ANO4: variants seen among roughly 807,000 people sequenced by gnomAD.
The protein encoded by ANO4 is anoctamin 4, also known as anoctamin-4.
ANO4 carries 69 observed loss-of-function variants against 141.9 expected under a neutral mutation model. That is an observed-to-expected ratio of 0.49 (90% CI 0.40 to 0.59). The LOEUF (loss-of-function observed/expected upper bound fraction) is 0.59, where lower values mean the gene tolerates loss of function less well. Ranked by LOEUF, ANO4 falls within the 20% of genes least tolerant of loss-of-function variation. The pLI is 0.00. For synonymous variants in ANO4, 350 were observed against 394.3 expected (o/e 0.89, Z 1.33); for missense variants, 894 against 1,162.2 (o/e 0.77, Z 3.36).
chr12:101,064,519 G>C (rs2048488534), intron 14 of ANO4, among the ~76,000 whole-genome samples: 1 of 152,062 alleles, frequency 6.6e-6, no homozygotes, highest in African/African-American at 2.4e-5. Context: ...ACTGTTGATG[G>C]GTGGGAGGCT....
intron 14 of ANO4, among the ~76,000 whole-genome samples, chr12:101,058,283 A>G (rs1395272879): frequency 6.6e-6 from 1 of 152,206 alleles, no homozygotes; most frequent in Non-Finnish European, 1.5e-5. Flanking sequence ...TATAGTTTGA[A>G]GTCAGGTAGC....
At chr12:100,791,947 C>T (rs184587630), upstream of ANO4, among the ~76,000 whole-genome samples, 27 of 152,298 alleles carry the variant, frequency 1.8e-4, 1 homozygote, top group Admixed American at 1.8e-3. Context: ...CAGACTTTTC[C>T]ATATGCAGAT....
upstream of ANO4, among the ~76,000 whole-genome samples, chr12:100,792,722 A>G (rs926537396): frequency 1.3e-4 from 20 of 152,222 alleles, no homozygotes; most frequent in African/African-American, 3.9e-4. Flanking sequence ...TTTCCATTTC[A>G]TGCATCATTA....
At chr12:100,976,067 A>G (rs1316539395) in intron 7 of ANO4, among the ~76,000 whole-genome samples, 1 of 152,010 alleles carries the variant, frequency 6.6e-6, no homozygotes, top group African/African-American at 2.4e-5. Flanking sequence ...GATGTCCTCT[A>G]ATTTGATTCT....
At chr12:100,892,522 T>G (rs1424882848) in intron 1 of ANO4, among the ~76,000 whole-genome samples, 2 of 152,216 alleles carry the variant, frequency 1.3e-5, no homozygotes, top group African/African-American at 2.4e-5. Flanking sequence ...ATATTTGAGT[T>G]TAGTTACCTG....
At chr12:100,918,112 T>C (rs2041435233) in intron 2 of ANO4, among the ~76,000 whole-genome samples, 1 of 152,168 alleles carries the variant, frequency 6.6e-6, no homozygotes, top group African/African-American at 2.4e-5. Flanking sequence ...AGATCACTTG[T>C]GGTCAAGAGT....
At chr12:101,033,715 C>G (rs370116595) in intron 9 of ANO4, among the ~76,000 whole-genome samples, 3 of 151,924 alleles carry the variant, frequency 2.0e-5, no homozygotes, top group African/African-American at 7.3e-5. Context: ...ATCTACAGAG[C>G]GGGAGAAATT....
intron 26 of ANO4, among the ~76,000 whole-genome samples, chr12:101,125,379 G>A (rs746176121): frequency 1.4e-4 from 22 of 152,068 alleles, no homozygotes; most frequent in Admixed American, 1.0e-3. Flanking sequence ...AAGATGATGG[G>A]ATTTTCTAGA....
rs561827250 is a variant in ANO4, at chr12:101,125,085, ATTCT to A, written c.2677-1789_2677-1786del. 1.3e-4 allele frequency among the ~76,000 whole-genome samples: 20 copies of A among 152,258 alleles called. 3 individuals carry two copies. Among genetic ancestry groups the A allele is most frequent in the African/African-American group, 4.8e-4 (20 of 41,556 alleles). ...GCAGATGGCCGTTTTCACAATATTG[ATTCT>A]TTCTATCCATGAGCATGGAACATTT... On this transcript the variant is annotated intron_variant, in intron 26 of 27. Coordinates refer to ENST00000392977, the MANE Select transcript of ANO4 (RefSeq NM_001286615.2).
intron 5 of ANO4, among the ~76,000 whole-genome samples, chr12:100,947,734 A>T (rs1214979136): frequency 6.6e-6 from 1 of 152,190 alleles, no homozygotes; most frequent in Non-Finnish European, 1.5e-5. Context: ...ATCACTTACT[A>T]TTATAATTTC....
At chr12:101,043,692 G>T in intron 13 of ANO4, 57 bp downstream of exon 13, 1 of 1,278,808 alleles carries the variant, frequency 7.8e-7, no homozygotes, top group South Asian at 1.2e-5. Context: ...CCTTCCTGAG[G>T]GATGGTGGGT....
intron 22 of ANO4, among the ~76,000 whole-genome samples, chr12:101,109,070 C>T (rs779882739): frequency 1.3e-5 from 2 of 152,034 alleles, no homozygotes; most frequent in African/African-American, 4.8e-5. Context: ...GACATATTTG[C>T]AGAGTATTTG....
At chr12:101,020,003 C>A in intron 8 of ANO4, 31 bp from the exon 9 acceptor site, 1 of 1,553,822 alleles carries the variant, frequency 6.4e-7, no homozygotes, top group Non-Finnish European at 8.9e-7. Context: ...CCGATTAATT[C>A]TCAACTTGTA....
At chr12:100,940,480 C>T (rs1400863131) in intron 4 of ANO4, among the ~76,000 whole-genome samples, 1 of 152,166 alleles carries the variant, frequency 6.6e-6, no homozygotes, top group Non-Finnish European at 1.5e-5. Context: ...ATGCTGAATT[C>T]ACAGGACAGC....
At chr12:100,738,401 C>G (rs982266894) in intron 2 of ANO4, among the ~76,000 whole-genome samples, 1 of 152,128 alleles carries the variant, frequency 6.6e-6, no homozygotes, top group East Asian at 1.9e-4. Context: ...CTTGTCATAG[C>G]TCGTTTATAT....
chr12:101,021,757 T>C (rs1715883032), intron 9 of ANO4, among the ~76,000 whole-genome samples: 1 of 152,248 alleles, frequency 6.6e-6, no homozygotes, highest in Non-Finnish European at 1.5e-5. Context: ...GAAAATGTTA[T>C]TTAAACATAC....
In ANO4 at chr12:101,096,409, A is replaced by G; in HGVS notation, c.1739-127A>G. On this transcript the variant is annotated intron_variant, in intron 18 of 27. Transcript: ENST00000392977. ...TCCACCACACGCCATCCGTGGGTAA[A>G]CTGGAGTCTCCTGCAGCCTCCTCAG... 5 of 675,540 alleles carry G rather than the reference A, an allele frequency of 7.4e-6. No homozygotes were observed. In the Admixed American group the frequency reaches 1.0e-4, roughly 14 times the overall value. The allele number at this position is 675,540 out of a possible 1,614,324, so 41.8% of individuals were successfully genotyped here. A position where few individuals can be genotyped will look rare whatever the true frequency, so the allele number is the denominator to read the frequency against.
chr12:100,833,056 A>G (rs2036711360), intron 1 of ANO4, among the ~76,000 whole-genome samples: 1 of 152,112 alleles, frequency 6.6e-6, no homozygotes, highest in Admixed American at 6.6e-5. Context: ...TCTGTAGCTT[A>G]TTTTCGCAAC....
At chr12:100,760,116 C>A (rs1030746656) in intron 3 of ANO4, among the ~76,000 whole-genome samples, 1 of 152,140 alleles carries the variant, frequency 6.6e-6, no homozygotes. Flanking sequence ...TACAATCTTA[C>A]TTCATTGCCT....
Sources: allele counts gnomAD v4.1 joint callset (sites outside exome capture counted in the v4.1 genomes callset), GRCh38; gene constraint gnomAD v4.1.1; transcripts MANE v1.5; gene names NCBI Gene and HGNC (gene_info 2026-07-23, HGNC 2026-07-21).